Variants in CRTAC1 observed in about 807,000 individuals in gnomAD.
CRTAC1 encodes the protein cartilage acidic protein 1.
CRTAC1 carries 37 observed loss-of-function variants against 67.8 expected under a neutral mutation model. The ratio of observed to expected loss-of-function variants is 0.55; its 90% CI spans 0.42 to 0.72. CRTAC1 has a LOEUF of 0.72. CRTAC1 is among the 30% of genes least tolerant of loss of function. The pLI, the probability that CRTAC1 is intolerant of heterozygous loss-of-function variation, is 0.00. For missense variants in CRTAC1, 780 were observed against 931.6 expected, an observed-to-expected ratio of 0.84 and a Z score of 2.12; for synonymous variants, 348 against 371.0, an observed-to-expected ratio of 0.94 and a Z score of 0.71.
intron 1 of CRTAC1, among the ~76,000 whole-genome samples, chr10:98,013,922 A>G (rs938583597): frequency 2.9e-4 from 44 of 152,306 alleles, no homozygotes; most frequent in African/African-American, 1.0e-3. Flanking sequence ...TGGCCTCCCC[A>G]TGAGACCAGG....
At chr10:97,988,595 C>G (rs1477107903) in intron 2 of CRTAC1, among the ~76,000 whole-genome samples, 1 of 152,156 alleles carries the variant, frequency 6.6e-6, no homozygotes, top group Non-Finnish European at 1.5e-5. Context: ...CAGCATGTGC[C>G]TGTAATCCCA....
At chr10:98,006,914 A>G (rs1842801953) in intron 2 of CRTAC1, among the ~76,000 whole-genome samples, 1 of 152,244 alleles carries the variant, frequency 6.6e-6, no homozygotes, top group Admixed American at 6.5e-5. Context: ...CATGATTCTT[A>G]AACAGTGAGT....
chr10:97,896,833 T>TCCC, intron 9 of CRTAC1, 76 bp downstream of exon 9: 1 of 450,864 alleles, frequency 2.2e-6, no homozygotes. Context: ...GGCTGCCCCG[T>TCCC]CCCTCCCGCC....
chr10:97,954,094 A>G (rs2051402761), intron 2 of CRTAC1, among the ~76,000 whole-genome samples: 1 of 152,150 alleles, frequency 6.6e-6, no homozygotes, highest in African/African-American at 2.4e-5. Flanking sequence ...GAGCGTGGCA[A>G]GACCCTGCAG....
intron 2 of CRTAC1, among the ~76,000 whole-genome samples, chr10:97,955,237 G>A (rs1430675992): frequency 1.3e-5 from 2 of 152,188 alleles, no homozygotes; most frequent in African/African-American, 2.4e-5. Flanking sequence ...GAGTCCAAGG[G>A]TTTCTCAGAG....
intron 11 of CRTAC1, among the ~76,000 whole-genome samples, chr10:97,894,717 T>C (rs1310253220): frequency 1.9e-4 from 2 of 10,646 alleles, no homozygotes; most frequent in African/African-American, 1.1e-3. Flanking sequence ...TTTACATATA[T>C]ATATATATAT....
chr10:97,978,219 G>C (rs181134900), intron 2 of CRTAC1, among the ~76,000 whole-genome samples: 228 of 152,230 alleles, frequency 1.5e-3, no homozygotes, highest in African/African-American at 5.4e-3. Flanking sequence ...AGTATCTCAG[G>C]CTCCACTCCT....
intron 4 of CRTAC1, among the ~76,000 whole-genome samples, chr10:97,918,628 G>A (rs931716996): frequency 6.6e-6 from 1 of 152,222 alleles, no homozygotes; most frequent in Non-Finnish European, 1.5e-5. Context: ...TGAAAGACAA[G>A]CCATAAACCT....
intron 14 of CRTAC1, chr10:97,866,017 C>G (rs1024370569): frequency 2.7e-5 from 10 of 369,366 alleles, no homozygotes; most frequent in African/African-American, 1.8e-4. Context: ...CGGCCCCTCT[C>G]TTCCACAGCC....
intron 11 of CRTAC1, among the ~76,000 whole-genome samples, chr10:97,891,301 A>T (rs2050369000): frequency 1.3e-5 from 2 of 152,136 alleles, no homozygotes; most frequent in South Asian, 4.1e-4. Flanking sequence ...GAAAAAAAAA[A>T]TTTCCCAAAC....
intron 5 of CRTAC1, among the ~76,000 whole-genome samples, chr10:97,910,668 T>G (rs1189298207): frequency 6.6e-6 from 1 of 152,178 alleles, no homozygotes; most frequent in Admixed American, 6.5e-5. Context: ...AGACAGGGGT[T>G]CTCTTGGTCT....
intron 2 of CRTAC1, among the ~76,000 whole-genome samples, chr10:97,973,973 C>CA (rs552987541): frequency 0.045 from 3,078 of 68,776 alleles, 30 homozygotes; most frequent in Non-Finnish European, 0.077. Flanking sequence ...GATCCCATAC[C>CA]AAAAAAAAAA....
chr10:97,955,078 T>G (rs1564910743), intron 2 of CRTAC1, among the ~76,000 whole-genome samples: 1 of 151,924 alleles, frequency 6.6e-6, no homozygotes, highest in African/African-American at 2.4e-5. Flanking sequence ...AGCTAGGGAG[T>G]GTACTAGATG....
chr10:97,977,808 G>T (rs757006353), intron 2 of CRTAC1, among the ~76,000 whole-genome samples: 1 of 152,194 alleles, frequency 6.6e-6, no homozygotes, highest in African/African-American at 2.4e-5. Context: ...TACCTCACGA[G>T]TGTAAATCAG....
In CRTAC1 at chr10:98,021,830, G is replaced by A. The variant is rs1359612609; in HGVS notation, c.24+8619C>T. ...GACTTTGAGGAATAGGTTTGCTTCT[G>A]TAACTAATTTGTCTAGGGGACCCTG... is the stretch of plus-strand genomic sequence containing the variant. On this transcript the variant is annotated intron_variant, in intron 1 of 14. Coordinates refer to ENST00000370597, the MANE Select transcript of CRTAC1 (RefSeq NM_018058.7). 2.0e-5 allele frequency among the ~76,000 whole-genome samples: 3 copies of A among 152,188 alleles called. No individual in the cohort carries two copies. In the East Asian group the frequency reaches 5.8e-4, roughly 29 times the overall value.
At chr10:97,962,249 T>C (rs1277448404) in intron 2 of CRTAC1, among the ~76,000 whole-genome samples, 2 of 152,182 alleles carry the variant, frequency 1.3e-5, no homozygotes, top group Non-Finnish European at 2.9e-5. Flanking sequence ...GCAGCCTTGC[T>C]GAATAAGACT....
intron 11 of CRTAC1, among the ~76,000 whole-genome samples, chr10:97,885,495 C>G (rs962752333): frequency 1.3e-5 from 2 of 152,198 alleles, no homozygotes; most frequent in Admixed American, 6.5e-5. Context: ...TTGCACACAA[C>G]CCTAAAGCAA....
At chr10:97,997,369 C>T (rs1842602698) in intron 2 of CRTAC1, among the ~76,000 whole-genome samples, 1 of 145,884 alleles carries the variant, frequency 6.9e-6, no homozygotes, top group South Asian at 2.1e-4. Flanking sequence ...AGGAGAAACG[C>T]TTGAACCTGG....
At chr10:97,997,558 G>A (rs1410557895) in intron 2 of CRTAC1, among the ~76,000 whole-genome samples, 1 of 151,794 alleles carries the variant, frequency 6.6e-6, no homozygotes, top group Non-Finnish European at 1.5e-5. Context: ...AGAAGTTAGT[G>A]GTAATGAAAA....
Sources: gnomAD v4.1 joint callset for allele counts (sites outside exome capture counted in the v4.1 genomes callset) on GRCh38, gnomAD v4.1.1 for gene constraint, MANE v1.5 for transcripts, NCBI Gene and HGNC (gene_info 2026-07-23, HGNC 2026-07-21) for gene names.